Variants in GLTP observed in about 807,000 individuals in gnomAD.
The protein encoded by GLTP is glycolipid transfer protein.
GLTP carries 22 observed loss-of-function variants against 24.0 expected under a neutral mutation model. The ratio of observed to expected loss-of-function variants is 0.92; its 90% confidence interval spans 0.65 to 1.31. The LOEUF (loss-of-function observed/expected upper bound fraction) is 1.31. Among genes scored for constraint, GLTP ranks in the 50% most tolerant of loss-of-function variants. The pLI is 0.00. For synonymous variants in GLTP, 92 were observed against 115.9 expected (o/e 0.79, Z 1.33); for missense variants, 224 against 276.6 (o/e 0.81, Z 1.35).
intron 1 of GLTP, among the ~76,000 whole-genome samples, chr12:109,879,961 G>A (rs747266063): frequency 2.6e-5 from 4 of 151,918 alleles, no homozygotes; most frequent in Non-Finnish European, 5.9e-5. Context: ...TAAGGGAGAT[G>A]GAAGATCATC....
At chr12:109,853,365 A>G (rs1426810694) in intron 4 of GLTP, among the ~76,000 whole-genome samples, 8 of 152,160 alleles carry the variant, frequency 5.3e-5, no homozygotes, top group Admixed American at 5.2e-4. Flanking sequence ...ACAGAATTTC[A>G]GAGCCAGAAG....
At chr12:109,856,790 T>C (rs1322766071) in intron 3 of GLTP, among the ~76,000 whole-genome samples, 1 of 152,150 alleles carries the variant, frequency 6.6e-6, no homozygotes, top group Non-Finnish European at 1.5e-5. Context: ...CCGGGCACGG[T>C]GCCTCACACC....
Position 109,880,312 on chromosome 12 carries a change from CCCGGT to C in GLTP, c.58_62del (p.Thr20AlafsTer137), listed in dbSNP as rs778854058. ...GGTGGGACACCGCCTCGAGGAAGGG[CCCGGT>C]CTCGATCTGCTTGTCCGCGGGCAGC... On this transcript the variant is annotated frameshift_variant, in exon 1 of 5. Coordinates refer to ENST00000318348, the MANE Select transcript of GLTP (RefSeq NM_016433.4). LOFTEE classifies it high-confidence loss of function. The surrounding 1 kb of genome is among the most constrained non-coding windows in gnomAD (Gnocchi z 5.1). 14 of 1,606,816 alleles carry C rather than the reference CCCGGT, an allele frequency of 8.7e-6. No homozygotes were observed. In the East Asian group the frequency reaches 2.9e-4, roughly 34 times the overall value.
intron 1 of GLTP, among the ~76,000 whole-genome samples, chr12:109,870,470 AAAAATAAAATAAAAT>A (rs61486850): frequency 7.4e-5 from 11 of 148,648 alleles, no homozygotes; most frequent in African/African-American, 2.2e-4. Context: ...ACTCTGTCTC[AAAAATAAAATAAAAT>A]AAAATAAAAT....
At chr12:109,870,567 C>T (rs1261024333) in intron 1 of GLTP, among the ~76,000 whole-genome samples, 5 of 152,066 alleles carry the variant, frequency 3.3e-5, no homozygotes, top group Non-Finnish European at 7.3e-5. Context: ...TCCCAACAGA[C>T]AAAGCTTTTC....
At chr12:109,858,002 C>G (rs1892821709) in intron 2 of GLTP, 1 of 434,262 alleles carries the variant, frequency 2.3e-6, no homozygotes, top group Non-Finnish European at 4.5e-6. Context: ...CTGACACTGC[C>G]TCAGACACCA....
chr12:109,863,141 C>G (rs1269744236), intron 1 of GLTP, among the ~76,000 whole-genome samples: 2 of 152,182 alleles, frequency 1.3e-5, no homozygotes, highest in Non-Finnish European at 2.9e-5. Flanking sequence ...GATAGATAGG[C>G]ACAGTAAAAT....
chr12:109,857,841 T>C lies in GLTP; in HGVS notation c.163-182A>G. 1.6e-6 allele frequency: 1 copy of C among 639,684 alleles called. No individual in the cohort carries two copies. The highest frequency in any genetic ancestry group is 2.8e-6 in the Non-Finnish European group (1 of 362,382). The allele number at this position is 639,684 out of a possible 1,614,324, so 39.6% of individuals were successfully genotyped here. On this transcript the variant is annotated intron_variant, in intron 2 of 4. Coordinates refer to ENST00000318348, the MANE Select transcript of GLTP (RefSeq NM_016433.4). This position sits in a 1 kb window ranked among gnomAD's most constrained non-coding sequence, Gnocchi z 4.3. ...ACATGAGCCAGGATTTGCAAAATGC[T>C]TTACAGGCACTACCTTATATGATCC...
rs34869730 is a variant in GLTP, at chr12:109,866,926, ATTTTTTTTTT to A, written c.104-8195_104-8186del. 4.2e-5 allele frequency among the ~76,000 whole-genome samples: 5 copies of A among 118,300 alleles called. No individual in the cohort carries two copies. In the East Asian group the frequency reaches 1.1e-3, roughly 27 times the overall value. 77.6% of individuals were successfully genotyped at this position (118,300 alleles called of 152,430 possible). A position where few individuals can be genotyped will look rare whatever the true frequency, so the allele number is the denominator to read the frequency against. ...AGATGTGCACCACCATGCTGGGCTAATTTTTTTTTTTTTTTTTTTTTTACCTTTTGTAGAG... is the reference window on the plus strand; with the variant it reads ...AGATGTGCACCACCATGCTGGGCTAATTTTTTTTTTTTACCTTTTGTAGAG... On this transcript the variant is annotated intron_variant, in intron 1 of 4. Transcript: ENST00000318348.
chr12:109,863,444 C>A (rs1249126799), intron 1 of GLTP, among the ~76,000 whole-genome samples: 1 of 152,166 alleles, frequency 6.6e-6, no homozygotes, highest in East Asian at 1.9e-4. Flanking sequence ...GCCCCCAGCA[C>A]CCAGCAGATG....
At chr12:109,875,865 C>A (rs1341310546) in intron 1 of GLTP, among the ~76,000 whole-genome samples, 1 of 152,240 alleles carries the variant, frequency 6.6e-6, no homozygotes, top group African/African-American at 2.4e-5. Flanking sequence ...TGTGGCTGCT[C>A]TAACAGGTTA....
intron 4 of GLTP, among the ~76,000 whole-genome samples, chr12:109,854,716 G>A (rs1892774263): frequency 6.6e-6 from 1 of 152,194 alleles, no homozygotes; most frequent in South Asian, 2.1e-4. Flanking sequence ...GTGGTTTGAG[G>A]ATTTGTAGGG....
intron 1 of GLTP, among the ~76,000 whole-genome samples, chr12:109,867,471 A>G (rs554074587): frequency 2.0e-5 from 3 of 152,204 alleles, no homozygotes; most frequent in Admixed American, 2.0e-4. Flanking sequence ...ATACTTAAAT[A>G]CCAAATAGCC....
At position 109,852,119 on chromosome 12, in the gene GLTP, G is replaced by A. The variant is rs1892732791; in HGVS notation, c.*436C>T. ...CCGCCTCAGCCTCCCAAAGTGCTGG[G>A]ATTACAGGCGTGAGCCACGGTGCCC... On this transcript the variant is annotated 3_prime_UTR_variant, in exon 5 of 5. Transcript: ENST00000318348. 6.5e-6 allele frequency: 1 copy of A among 153,554 alleles called. No individual in the cohort carries two copies. The allele number at this position is 153,554 out of a possible 1,614,324, so 9.5% of individuals were successfully genotyped here.
chr12:109,879,204 T>G (rs1477497635), intron 1 of GLTP, among the ~76,000 whole-genome samples: 3 of 152,184 alleles, frequency 2.0e-5, no homozygotes, highest in African/African-American at 7.2e-5. Flanking sequence ...TAAGATCTCC[T>G]GTCTTTGGGT....
chr12:109,857,230 T>G lies in GLTP; in HGVS notation c.296+296A>C, dbSNP rs753068633. 6.6e-6 allele frequency among the ~76,000 whole-genome samples: 1 copy of G among 152,144 alleles called. No homozygotes were observed. Among genetic ancestry groups the G allele is most frequent in the Admixed American group, 6.5e-5 (1 of 15,280 alleles). On this transcript the variant is annotated intron_variant, in intron 3 of 4. Coordinates refer to ENST00000318348, the MANE Select transcript of GLTP (RefSeq NM_016433.4). This position sits in a 1 kb window ranked among gnomAD's most constrained non-coding sequence, Gnocchi z 4.3. ...AGCGCCAGCTGCCTCCTCTGTGAGATGCGAATAGCTACCACACTTAACTCA... is the reference window on the plus strand; with the variant it reads ...AGCGCCAGCTGCCTCCTCTGTGAGAGGCGAATAGCTACCACACTTAACTCA...
chr12:109,850,983 A>C lies in GLTP; in HGVS notation c.*1572T>G, dbSNP rs1892715042. The C allele has an allele frequency of 6.6e-6, 1 of 152,652 alleles. No individual in the cohort carries two copies. Among genetic ancestry groups the C allele is most frequent in the Non-Finnish European group, 1.5e-5 (1 of 68,038 alleles). The allele number at this position is 152,652 out of a possible 1,614,324, so 9.5% of individuals were successfully genotyped here. On this transcript the variant is annotated 3_prime_UTR_variant, in exon 5 of 5. Coordinates refer to ENST00000318348, the MANE Select transcript of GLTP (RefSeq NM_016433.4). ...GAGATTTATTTATTAAGGATTATTT[A>C]GTTTCTGCATAAAAATCTCCAATTG...
At position 109,855,445 on chromosome 12, in the gene GLTP, C is replaced by T. The variant is rs1347502122; in HGVS notation, c.447+174G>A. 2.0e-5 allele frequency among the ~76,000 whole-genome samples: 3 copies of T among 152,030 alleles called. No homozygotes were observed. Among genetic ancestry groups the T allele is most frequent in the African/African-American group, 7.2e-5 (3 of 41,384 alleles). On this transcript the variant is annotated intron_variant, in intron 4 of 4. Transcript: ENST00000318348. This position sits in a 1 kb window ranked among gnomAD's most constrained non-coding sequence, Gnocchi z 4.1. The stretch of plus-strand genomic sequence containing the variant: ...CTGTGAATGGGGCTGGCCAAGGGCA[C>T]GGGAGGGGGACCTCTCAGTACACTA...
intron 1 of GLTP, among the ~76,000 whole-genome samples, chr12:109,865,595 C>A (rs1482106073): frequency 2.7e-5 from 4 of 149,658 alleles, no homozygotes; most frequent in African/African-American, 9.9e-5. Flanking sequence ...GCGTGAGATT[C>A]TGTTTGAAAA....
Sources: allele counts gnomAD v4.1 joint callset (sites outside exome capture counted in the v4.1 genomes callset), GRCh38; gene constraint gnomAD v4.1.1; non-coding constraint Gnocchi (gnomAD v3.1); transcripts MANE v1.5; gene names NCBI Gene and HGNC (gene_info 2026-07-23, HGNC 2026-07-21).